ERC2: variants seen among roughly 807,000 people sequenced by gnomAD.
ERC2 encodes ERC protein 2.
ERC2 carries 42 observed loss-of-function variants against 114.8 expected under a neutral mutation model. The ratio of observed to expected loss-of-function variants is 0.37; its 90% CI spans 0.29 to 0.47. The LOEUF (loss-of-function observed/expected upper bound fraction) is 0.47. Among genes scored for constraint, ERC2 ranks in the 20% least tolerant of loss-of-function variants. The probability of loss-of-function intolerance (pLI) is 0.99; values close to 1 mark genes in which losing one functional copy is unlikely to be tolerated. For missense variants in ERC2, 939 were observed against 1,150.7 expected (o/e 0.82, Z 2.66); for synonymous variants, 454 against 425.5 (o/e 1.07, Z -0.82).
At chr3:55,949,405 T>C (rs769732418) in intron 13 of ERC2, among the ~76,000 whole-genome samples, 7 of 151,966 alleles carry the variant, frequency 4.6e-5, no homozygotes, top group Non-Finnish European at 1.0e-4. Flanking sequence ...CCACCTACTA[T>C]TGTCTCACTA....
At chr3:56,414,319 C>G (rs2061059321) in intron 2 of ERC2, among the ~76,000 whole-genome samples, 1 of 152,164 alleles carries the variant, frequency 6.6e-6, no homozygotes, top group Non-Finnish European at 1.5e-5. Flanking sequence ...CCAATGCCTG[C>G]TACACCTTAC....
chr3:56,138,593 G>T (rs2149911929), intron 6 of ERC2, among the ~76,000 whole-genome samples: 1 of 152,228 alleles, frequency 6.6e-6, no homozygotes, highest in East Asian at 1.9e-4. Flanking sequence ...AACTCCTAAG[G>T]CCAATCCAAA....
At chr3:56,304,018 G>A (rs1576350455) in intron 2 of ERC2, among the ~76,000 whole-genome samples, 1 of 152,176 alleles carries the variant, frequency 6.6e-6, no homozygotes, top group African/African-American at 2.4e-5. Flanking sequence ...AAATGTTTAA[G>A]AAAATAAATA....
At chr3:56,188,613 C>A (rs543388788) in intron 3 of ERC2, among the ~76,000 whole-genome samples, 2 of 152,174 alleles carry the variant, frequency 1.3e-5, no homozygotes, top group South Asian at 4.1e-4. Flanking sequence ...AGGGCATGGT[C>A]TTTCTTTTGC....
chr3:56,419,837 C>T (rs1177386428), intron 2 of ERC2, among the ~76,000 whole-genome samples: 2 of 152,190 alleles, frequency 1.3e-5, no homozygotes, highest in Admixed American at 6.5e-5. Context: ...AAAATTATGA[C>T]ATTTTCATCA....
chr3:55,790,265 C>T (rs1415816784), intron 14 of ERC2, among the ~76,000 whole-genome samples: 1 of 152,144 alleles, frequency 6.6e-6, no homozygotes, highest in East Asian at 1.9e-4. Flanking sequence ...TCCCTCATGG[C>T]CTTCATTGGG....
chr3:55,838,054 T>C (rs2060975829), intron 14 of ERC2, among the ~76,000 whole-genome samples: 1 of 151,614 alleles, frequency 6.6e-6, no homozygotes, highest in South Asian at 2.1e-4. Flanking sequence ...ATGTACTTAA[T>C]AATAGAGCTT....
intron 12 of ERC2, among the ~76,000 whole-genome samples, chr3:55,953,294 A>G (rs1444891077): frequency 6.6e-6 from 1 of 152,116 alleles, no homozygotes; most frequent in Non-Finnish European, 1.5e-5. Context: ...CCATTCCTTT[A>G]AACACTCCCT....
Position 56,067,722 on chromosome 3 carries a change from G to A in ERC2, c.1641+13095C>T, listed in dbSNP as rs147788501. Among the ~76,000 whole-genome samples the A allele has an allele frequency of 3.0e-4, 45 of 152,192 alleles. 1 individual carries two copies. Among genetic ancestry groups the A allele is most frequent in the Admixed American group, 1.2e-3 (19 of 15,282 alleles). On this transcript the variant is annotated intron_variant, in intron 7 of 17. Coordinates refer to ENST00000288221, the MANE Select transcript of ERC2 (RefSeq NM_015576.3). Reference sequence around the variant, plus strand: ...ATTTTGAGATATGTTCCACCAATACGTAGTTTATTGAGACTTTTTAACATG... The same window carrying A: ...ATTTTGAGATATGTTCCACCAATACATAGTTTATTGAGACTTTTTAACATG...
chr3:55,894,846 C>G (rs2063768305), intron 13 of ERC2, among the ~76,000 whole-genome samples: 1 of 152,208 alleles, frequency 6.6e-6, no homozygotes, highest in Admixed American at 6.5e-5. Context: ...ATGCTCTCAG[C>G]ACAATGCCTA....
At chr3:56,276,594 C>CATATT (rs2054014474) in intron 3 of ERC2, among the ~76,000 whole-genome samples, 1 of 151,886 alleles carries the variant, frequency 6.6e-6, no homozygotes, top group South Asian at 2.1e-4. Flanking sequence ...CTTTAAATGC[C>CATATT]ATATTGTTTA....
intron 17 of ERC2, among the ~76,000 whole-genome samples, chr3:55,582,150 G>A (rs1000110053): frequency 1.3e-4 from 20 of 152,086 alleles, no homozygotes; most frequent in Admixed American, 5.2e-4. Context: ...GCAATTCCTC[G>A]TGGCTAGACT....
intron 1 of ERC2, among the ~76,000 whole-genome samples, chr3:56,451,051 A>G (rs1489529973): frequency 2.6e-5 from 4 of 152,216 alleles, no homozygotes. Flanking sequence ...TTTTTTAAAC[A>G]TCTATGCATT....
At chr3:56,039,832 A>G (rs2075025053) in intron 7 of ERC2, among the ~76,000 whole-genome samples, 1 of 152,220 alleles carries the variant, frequency 6.6e-6, no homozygotes, top group Admixed American at 6.5e-5. Context: ...AATTCCAAAT[A>G]TAAATCCATG....
intron 4 of ERC2, among the ~76,000 whole-genome samples, chr3:56,169,956 C>T (rs1265600242): frequency 6.6e-6 from 1 of 151,956 alleles, no homozygotes; most frequent in Non-Finnish European, 1.5e-5. Context: ...AAAGAGAAAA[C>T]AAGCCTTTCA....
intron 3 of ERC2, among the ~76,000 whole-genome samples, chr3:56,286,488 A>G (rs2054726739): frequency 6.6e-6 from 1 of 151,604 alleles, no homozygotes; most frequent in South Asian, 2.1e-4. Flanking sequence ...CTCAAAAGCT[A>G]TATGTGAAAA....
chr3:56,289,001 AT>A (rs2054906744), intron 3 of ERC2, among the ~76,000 whole-genome samples: 1 of 152,206 alleles, frequency 6.6e-6, no homozygotes, highest in Non-Finnish European at 1.5e-5. Context: ...TGTGAAAAAA[AT>A]AAATAAAACT....
intron 7 of ERC2, among the ~76,000 whole-genome samples, chr3:56,023,705 C>G (rs1433128816): frequency 6.6e-6 from 1 of 151,140 alleles, no homozygotes; most frequent in African/African-American, 2.4e-5. Flanking sequence ...ACTGTTGTAT[C>G]TCCAGCTGCA....
At chr3:55,815,152 C>T (rs942466751) in intron 14 of ERC2, among the ~76,000 whole-genome samples, 14 of 152,272 alleles carry the variant, frequency 9.2e-5, no homozygotes, top group African/African-American at 3.4e-4. Flanking sequence ...TGAACAATTA[C>T]TTCAATAACT....
Sources: allele counts gnomAD v4.1 joint callset (sites outside exome capture counted in the v4.1 genomes callset), GRCh38; gene constraint gnomAD v4.1.1; transcripts MANE v1.5; gene names NCBI Gene and HGNC (gene_info 2026-07-23, HGNC 2026-07-21).